EXTL3: variants seen among roughly 807,000 people sequenced by gnomAD.
EXTL3 encodes the protein exostosin-like 3.
In EXTL3, 27 loss-of-function variants were observed where a neutral mutation model predicts 69.3. That is an observed-to-expected ratio of 0.39 (90% CI 0.29 to 0.54). The LOEUF is 0.54. Ranked by LOEUF, EXTL3 falls within the 20% of genes least tolerant of loss-of-function variation. The pLI, the probability that EXTL3 is intolerant of heterozygous loss-of-function variation, is 0.69. For synonymous variants in EXTL3, 511 were observed against 499.4 expected (o/e 1.02, Z -0.31); for missense variants, 1,003 against 1,231.8 (o/e 0.81, Z 2.78).
At chr8:28,725,954 G>GTT (rs1040073259) in intron 3 of EXTL3, among the ~76,000 whole-genome samples, 20 of 133,118 alleles carry the variant, frequency 1.5e-4, no homozygotes, top group African/African-American at 2.5e-4. Flanking sequence ...ATTTAGAAGT[G>GTT]TTTTTTTTTT....
intron 2 of EXTL3, among the ~76,000 whole-genome samples, chr8:28,608,274 C>T (rs917207366): frequency 6.6e-6 from 1 of 151,998 alleles, no homozygotes; most frequent in Non-Finnish European, 1.5e-5. Flanking sequence ...CTGCTGAACT[C>T]ACCCACGCTC....
Position 28,713,543 on chromosome 8 carries a change from A to G in EXTL3, c.-483A>G. 2.8e-6 allele frequency: 2 copies of G among 702,400 alleles called. No individual in the cohort carries two copies. The highest frequency in any genetic ancestry group is 5.2e-6 in the Non-Finnish European group (2 of 384,910). 43.5% of individuals were successfully genotyped at this position (702,400 alleles called of 1,614,324 possible). Reference sequence around the variant, plus strand: ...AAGTCAGAGGAAGGAAGGGTCCTGAAACACATGGTGAGGAAGGAATGAGTC... The same window carrying G: ...AAGTCAGAGGAAGGAAGGGTCCTGAGACACATGGTGAGGAAGGAATGAGTC... On this transcript the variant is annotated 5_prime_UTR_variant, in exon 2 of 7. Coordinates refer to ENST00000220562, the MANE Select transcript of EXTL3 (RefSeq NM_001440.4).
intron 1 of EXTL3, among the ~76,000 whole-genome samples, chr8:28,643,538 C>T (rs1585228053): frequency 6.6e-6 from 1 of 151,842 alleles, no homozygotes. Flanking sequence ...CCTCAGCCTC[C>T]CGAGTAGCTG....
At chr8:28,619,300 A>C (rs1341551833), upstream of EXTL3, among the ~76,000 whole-genome samples, 9 of 85,976 alleles carry the variant, frequency 1.0e-4, no homozygotes, top group African/African-American at 3.9e-4. Flanking sequence ...AAAAAAAAAA[A>C]AAAAAAAAAA....
chr8:28,715,812 T>A lies in EXTL3; in HGVS notation c.-248T>A. 2 of 499,840 alleles carry A rather than the reference T, an allele frequency of 4.0e-6. No homozygotes were observed. Among genetic ancestry groups the A allele is most frequent in the Non-Finnish European group, 7.1e-6 (2 of 282,704 alleles). The allele number at this position is 499,840 out of a possible 1,614,324, so 31.0% of individuals were successfully genotyped here. Reference sequence around the variant, plus strand: ...AGCAAGAATGTGGCACCTTTTATCGTTTGATAAAGATTAAGGACATGTTCT... The same window carrying A: ...AGCAAGAATGTGGCACCTTTTATCGATTGATAAAGATTAAGGACATGTTCT... On this transcript the variant is annotated 5_prime_UTR_variant, in exon 3 of 7. Coordinates refer to ENST00000220562, the MANE Select transcript of EXTL3 (RefSeq NM_001440.4).
At chr8:28,649,361 T>C (rs1806882502) in intron 1 of EXTL3, among the ~76,000 whole-genome samples, 1 of 152,192 alleles carries the variant, frequency 6.6e-6, no homozygotes. Flanking sequence ...TATGACAGCT[T>C]TTGCTTCTCC....
At chr8:28,652,952 G>A (rs191491432) in intron 1 of EXTL3, among the ~76,000 whole-genome samples, 1 of 152,052 alleles carries the variant, frequency 6.6e-6, no homozygotes, top group Non-Finnish European at 1.5e-5. Context: ...ACATGCATAG[G>A]CTGACCCACA....
intron 6 of EXTL3, among the ~76,000 whole-genome samples, chr8:28,748,933 T>TC (rs1210797308): frequency 6.7e-6 from 1 of 149,348 alleles, no homozygotes; most frequent in Non-Finnish European, 1.5e-5. Context: ...ATATGGGGAG[T>TC]CCCCAGGGAA....
At chr8:28,621,071 G>A (rs190841139), upstream of EXTL3, among the ~76,000 whole-genome samples, 5 of 152,190 alleles carry the variant, frequency 3.3e-5, no homozygotes, top group African/African-American at 4.8e-5. Flanking sequence ...GATTGTTTTT[G>A]TCATTCAGTG....
At chr8:28,620,004 GGGACTACAGGCGCCTGCCAC>G (rs1306955209), upstream of EXTL3, among the ~76,000 whole-genome samples, 1 of 151,394 alleles carries the variant, frequency 6.6e-6, no homozygotes, top group African/African-American at 2.4e-5. Flanking sequence ...CCGAGTAGCT[GGGACTACAGGCGCCTGCCAC>G]CATGCCCGGC....
At chr8:28,625,828 G>A (rs578015074) in intron 1 of EXTL3, among the ~76,000 whole-genome samples, 21 of 151,876 alleles carry the variant, frequency 1.4e-4, no homozygotes, top group Non-Finnish European at 2.6e-4. Context: ...GAAGTGGGAG[G>A]AGACTGCTCC....
rs368786543 is a variant in EXTL3, at chr8:28,704,699, C to G, written c.-570+3040C>G. Reference sequence around the variant, plus strand: ...CAATTTTTCTATTGAGACGGCGTCTCGCTCTTTTCGCCCAGGCTAGAGTGC... The same window carrying G: ...CAATTTTTCTATTGAGACGGCGTCTGGCTCTTTTCGCCCAGGCTAGAGTGC... On this transcript the variant is annotated intron_variant, in intron 1 of 6. Coordinates refer to ENST00000220562, the MANE Select transcript of EXTL3 (RefSeq NM_001440.4). 9.2e-5 allele frequency among the ~76,000 whole-genome samples: 14 copies of G among 151,878 alleles called. No individual in the cohort carries two copies. The East Asian group carries it at 9.7e-4, about 10-fold the overall frequency.
chr8:28,610,468 G>T (rs1219635877), intron 2 of EXTL3, among the ~76,000 whole-genome samples: 1 of 152,100 alleles, frequency 6.6e-6, no homozygotes, highest in Non-Finnish European at 1.5e-5. Context: ...ACTACCTGTG[G>T]TTGTCATTTG....
chr8:28,682,060 AAAC>A (rs1332196194), intron 1 of EXTL3, among the ~76,000 whole-genome samples: 25 of 152,346 alleles, frequency 1.6e-4, no homozygotes, highest in Admixed American at 7.8e-4. Context: ...ACTCCGTCTC[AAAC>A]AACAACAATA....
At chr8:28,710,379 A>G in intron 1 of EXTL3, 1 of 435,610 alleles carries the variant, frequency 2.3e-6, no homozygotes, top group East Asian at 7.5e-5. Flanking sequence ...GGGAGTGGTG[A>G]AAAGGGGTCA....
intron 5 of EXTL3, 47 bp downstream of exon 5, chr8:28,737,710 C>A: frequency 2.5e-6 from 4 of 1,605,474 alleles, no homozygotes; most frequent in Non-Finnish European, 3.4e-6. Context: ...GAGAGTTTCA[C>A]CTTTGTGTGG....
chr8:28,719,310 A>T (rs1801242222), intron 3 of EXTL3, among the ~76,000 whole-genome samples: 1 of 152,246 alleles, frequency 6.6e-6, no homozygotes, highest in Non-Finnish European at 1.5e-5. Flanking sequence ...CGATAAGACA[A>T]CTAAGGATTC....
At chr8:28,688,481 T>G (rs1161011243) in intron 1 of EXTL3, among the ~76,000 whole-genome samples, 1 of 152,242 alleles carries the variant, frequency 6.6e-6, no homozygotes, top group Non-Finnish European at 1.5e-5. Flanking sequence ...GGGATAATCC[T>G]TACACTACTC....
At chr8:28,730,838 G>A (rs1267717947) in intron 3 of EXTL3, among the ~76,000 whole-genome samples, 2 of 152,174 alleles carry the variant, frequency 1.3e-5, no homozygotes, top group Non-Finnish European at 2.9e-5. Context: ...TCTGAGTTGG[G>A]TTTTAAAATT....
Sources: gnomAD v4.1 joint callset for allele counts (sites outside exome capture counted in the v4.1 genomes callset) on GRCh38, gnomAD v4.1.1 for gene constraint, MANE v1.5 for transcripts, NCBI Gene and HGNC (gene_info 2026-07-23, HGNC 2026-07-21) for gene names.